The following ITGBL1 variants were observed in gnomAD, a reference collection of about 807,000 sequenced individuals.
The protein encoded by ITGBL1 is integrin beta-like protein 1.
ITGBL1 carries 51 observed loss-of-function variants against 68.5 expected under a neutral mutation model. The observed-to-expected ratio is 0.74, with a 90% CI of 0.59 to 0.94. The LOEUF is 0.94. ITGBL1 is among the 40% of genes least tolerant of loss of function. The pLI is 0.00. For missense variants in ITGBL1, 649 were observed against 647.4 expected (o/e 1.00, Z -0.03); for synonymous variants, 209 against 227.3 (o/e 0.92, Z 0.72).
intron 6 of ITGBL1, 30 bp from the exon 7 acceptor site, chr13:101,598,122 AT>A: frequency 1.3e-6 from 2 of 1,569,362 alleles, no homozygotes; most frequent in South Asian, 1.2e-5. Context: ...CTTTATGTAC[AT>A]TTTTATTTTT....
In ITGBL1 at chr13:101,604,845, AATATATATAT is replaced by A. The variant is rs1555361671; in HGVS notation, c.1015+6580_1015+6589del. Among the ~76,000 whole-genome samples, 11 of 29,364 alleles carry A rather than the reference AATATATATAT, an allele frequency of 3.7e-4. 1 individual carries two copies. Among genetic ancestry groups the A allele is most frequent in the South Asian group, 1.7e-3 (1 of 586 alleles). 19.3% of individuals were successfully genotyped at this position (29,364 alleles called of 152,430 possible). ...AGTTTGTCAGGGACCAGGTGAAGGC[AATATATATAT>A]ATATATATATATATATATATATATA... On this transcript the variant is annotated intron_variant, in intron 7 of 10. Coordinates refer to ENST00000376180, the MANE Select transcript of ITGBL1 (RefSeq NM_004791.3).
At chr13:101,551,610 A>G (rs1356446772) in intron 2 of ITGBL1, among the ~76,000 whole-genome samples, 1 of 152,190 alleles carries the variant, frequency 6.6e-6, no homozygotes, top group Non-Finnish European at 1.5e-5. Flanking sequence ...TTGGCTAAAA[A>G]TTTGGAGGAA....
chr13:101,636,352 G>A (rs936528043), intron 7 of ITGBL1, among the ~76,000 whole-genome samples: 3 of 152,084 alleles, frequency 2.0e-5, no homozygotes, highest in Non-Finnish European at 4.4e-5. Flanking sequence ...TAGTGGGAAA[G>A]TTACCTTAAT....
chr13:101,659,605 G>A (rs2033028961), intron 7 of ITGBL1, among the ~76,000 whole-genome samples: 1 of 152,022 alleles, frequency 6.6e-6, no homozygotes, highest in South Asian at 2.1e-4. Context: ...GGGACTACAG[G>A]CATGTGCCAC....
rs1197796659 is a variant in ITGBL1 at position 101,566,333 on chromosome 13, G to A, written c.317-1366G>A. 2.0e-5 allele frequency among the ~76,000 whole-genome samples: 3 copies of A among 152,234 alleles called. No individual in the cohort carries two copies. In the East Asian group the frequency reaches 5.8e-4, roughly 29 times the overall value. ...TTATAAATAGGCTAGGTGGTTGACA[G>A]GTGAGATCACTTATGCTTAAAAATG... On this transcript the variant is annotated intron_variant, in intron 2 of 10. Transcript: ENST00000376180.
intron 2 of ITGBL1, among the ~76,000 whole-genome samples, chr13:101,509,283 C>T (rs1456694782): frequency 6.6e-6 from 1 of 152,062 alleles, no homozygotes; most frequent in Admixed American, 6.6e-5. Flanking sequence ...GAAAGACCTG[C>T]CCCCATAATT....
In ITGBL1 at chr13:101,561,042, C is replaced by T. The variant is rs1480731099; in HGVS notation, c.317-6657C>T. 2.0e-5 allele frequency among the ~76,000 whole-genome samples: 3 copies of T among 152,052 alleles called. No individual in the cohort carries two copies. The East Asian group carries it at 5.8e-4, about 29-fold the overall frequency. On this transcript the variant is annotated intron_variant, in intron 2 of 10. Coordinates refer to ENST00000376180, the MANE Select transcript of ITGBL1 (RefSeq NM_004791.3). The stretch of plus-strand genomic sequence containing the variant: ...TGAAGTCACAGGAAAAGCAACTGGC[C>T]CCAAATCTGGAGATAGATAGGCAGA...
At chr13:101,663,113 A>G (rs189574516) in intron 7 of ITGBL1, among the ~76,000 whole-genome samples, 4 of 152,330 alleles carry the variant, frequency 2.6e-5, no homozygotes, top group Admixed American at 2.6e-4. Flanking sequence ...GTGATGGAAG[A>G]TAACAATTTT....
chr13:101,535,185 T>C (rs982793234), intron 2 of ITGBL1, among the ~76,000 whole-genome samples: 2 of 152,058 alleles, frequency 1.3e-5, no homozygotes, highest in African/African-American at 4.8e-5. Flanking sequence ...TAATGCCCTA[T>C]TAAAGGTGAA....
Position 101,520,659 on chromosome 13 carries a change from T to C in ITGBL1, c.317-47040T>C, listed in dbSNP as rs74931577. 5.9e-3 allele frequency among the ~76,000 whole-genome samples: 892 copies of C among 152,262 alleles called. 61 individuals carry two copies. In the East Asian group the frequency reaches 0.14, roughly 24 times the overall value. On this transcript the variant is annotated intron_variant, in intron 2 of 10. Coordinates refer to ENST00000376180, the MANE Select transcript of ITGBL1 (RefSeq NM_004791.3). ...CACTCCGTGGGGAATGCTGGAAGGA[T>C]GTGGGACCCTGCAAGGCTGCCTCGC...
chr13:101,672,926 G>A (rs1240994033), intron 7 of ITGBL1, among the ~76,000 whole-genome samples: 2 of 152,132 alleles, frequency 1.3e-5, no homozygotes, highest in Non-Finnish European at 2.9e-5. Context: ...CATGAAATTA[G>A]TGAGAACAAA....
rs34627046 is a variant in ITGBL1 at position 101,689,211 on chromosome 13, TAAAAA to T, written c.1016-3356_1016-3352del. Among the ~76,000 whole-genome samples, 126 of 74,868 alleles carry T rather than the reference TAAAAA, an allele frequency of 1.7e-3. 8 individuals are homozygous for T. In the East Asian group the frequency reaches 0.041, roughly 24 times the overall value. 49.1% of individuals were successfully genotyped at this position (74,868 alleles called of 152,430 possible). ...CCTGGGGACAGAGCAAGACTCTGCCTAAAAAAAAAAAAAAAAAAAAAATTATGAGG... is the reference window on the plus strand; with the variant it reads ...CCTGGGGACAGAGCAAGACTCTGCCTAAAAAAAAAAAAAAAAATTATGAGG... On this transcript the variant is annotated intron_variant, in intron 7 of 10. Transcript: ENST00000376180.
At chr13:101,709,227 C>T (rs377606908) in intron 9 of ITGBL1, among the ~76,000 whole-genome samples, 1 of 150,216 alleles carries the variant, frequency 6.7e-6, no homozygotes, top group African/African-American at 2.4e-5. Flanking sequence ...TAGCCGGGCG[C>T]GGTGGCGGGC....
At position 101,452,801 on chromosome 13, in the gene ITGBL1, T is replaced by C. The variant is rs1486831322; in HGVS notation, c.-33T>C. On this transcript the variant is annotated 5_prime_UTR_variant, in exon 1 of 11. Coordinates refer to ENST00000376180, the MANE Select transcript of ITGBL1 (RefSeq NM_004791.3). ...CTCGGTGAACCCCACCTTGCAGAAG[T>C]GCAGCTCGCCCGGAGCAGCCCAGGA... The C allele has an allele frequency of 1.3e-6, 2 of 1,582,368 alleles. No homozygotes were observed. Among genetic ancestry groups the C allele is most frequent in the Middle Eastern group, 1.8e-4 (1 of 5,462 alleles).
chr13:101,715,393 A>T, intron 10 of ITGBL1, 170 bp from the exon 11 acceptor site: 1 of 606,528 alleles, frequency 1.6e-6, no homozygotes, highest in Admixed American at 2.8e-5. Flanking sequence ...GAAAGATTAG[A>T]TGTCTCGCAG....
In ITGBL1 at chr13:101,452,920, G is replaced by A; in HGVS notation, c.87G>A (p.Ser29=). ...AGLSAVPQSF[S]PSLRSWPGAA... is the part of the protein sequence containing the mutation. ...TGTCAGCTGTTCCTCAAAGCTTCTC[G>A]CCATCTCTGAGGTAAGTTTGGTTTG... Residue 29 remains serine (S), a synonymous_variant, in exon 1 of 11, where the codon TCG becomes TCA. Transcript: ENST00000376180. The A allele has an allele frequency of 5.0e-6, 8 of 1,613,930 alleles. No individual in the cohort carries two copies. The highest frequency in any genetic ancestry group is 6.8e-6 in the Non-Finnish European group (8 of 1,179,836).
At chr13:101,653,141 GA>G (rs1387179930) in intron 7 of ITGBL1, among the ~76,000 whole-genome samples, 2 of 150,934 alleles carry the variant, frequency 1.3e-5, no homozygotes, top group Non-Finnish European at 3.0e-5. Context: ...AAACAAGGGG[GA>G]GGGGGAGGAG....
chr13:101,531,009 T>A (rs1487035488), intron 2 of ITGBL1, among the ~76,000 whole-genome samples: 3 of 151,938 alleles, frequency 2.0e-5, no homozygotes, highest in Admixed American at 2.0e-4. Flanking sequence ...TTCTTTGAAC[T>A]ACTAGAGGAG....
chr13:101,467,454 T>C (rs1401319055), intron 2 of ITGBL1, among the ~76,000 whole-genome samples: 1 of 152,220 alleles, frequency 6.6e-6, no homozygotes, highest in African/African-American at 2.4e-5. Context: ...TATTTTCTAA[T>C]AACTTCTAAA....
Sources: gnomAD v4.1 joint callset for allele counts (sites outside exome capture counted in the v4.1 genomes callset) on GRCh38, gnomAD v4.1.1 for gene constraint, MANE v1.5 for transcripts, NCBI Gene and HGNC (gene_info 2026-07-23, HGNC 2026-07-21) for gene names.